Variants in GRM3 observed in about 807,000 individuals in gnomAD.
The protein encoded by GRM3 is glutamate metabotropic receptor 3.
GRM3 carries 26 observed loss-of-function variants against 70.5 expected under a neutral mutation model. The ratio of observed to expected loss-of-function variants is 0.37; its 90% CI spans 0.27 to 0.51. The LOEUF is 0.51. Ranked by LOEUF, GRM3 falls within the 20% of genes least tolerant of loss-of-function variation. The pLI is 0.93. For missense variants in GRM3, 859 were observed against 1,123.8 expected (o/e 0.76, Z 3.37); for synonymous variants, 443 against 434.9 (o/e 1.02, Z -0.23).
intron 1 of GRM3, among the ~76,000 whole-genome samples, chr7:86,764,061 C>G (rs951938363): frequency 4.6e-5 from 7 of 152,098 alleles, no homozygotes; most frequent in African/African-American, 1.7e-4. Flanking sequence ...AGATTTCTGG[C>G]CTGAGAGCCT....
rs999736107 is a variant in GRM3, at chr7:86,850,456, C to T, written c.2478C>T (p.Ile826=). The T allele has an allele frequency of 6.2e-7, 1 of 1,611,562 alleles. No homozygotes were observed. The highest frequency in any genetic ancestry group is 8.5e-7 in the Non-Finnish European group (1 of 1,177,842). ...TGTTTGCACCCAAGGTTCACATCATCCTGTTTCAACCCCAGAAGAATGTTG... is the reference window on the plus strand; with the variant it reads ...TGTTTGCACCCAAGGTTCACATCATTCTGTTTCAACCCCAGAAGAATGTTG... ...GCLFAPKVHI[I]LFQPQKNVVT... Residue 826 remains isoleucine, a synonymous_variant, in exon 5 of 6, where the codon ATC becomes ATT. Transcript: ENST00000361669.
At chr7:86,736,541 A>G (rs567955985) in intron 1 of GRM3, among the ~76,000 whole-genome samples, 60 of 152,242 alleles carry the variant, frequency 3.9e-4, no homozygotes, top group Non-Finnish European at 7.8e-4. Flanking sequence ...CCACTTGTGT[A>G]TTTTTAAGGG....
chr7:86,840,938 T>C (rs567263598), intron 4 of GRM3, among the ~76,000 whole-genome samples: 2 of 152,132 alleles, frequency 1.3e-5, no homozygotes, highest in Non-Finnish European at 2.9e-5. Context: ...TTCAGTTAGA[T>C]AGGAAGAATA....
chr7:86,828,781 AT>A (rs1197947469), intron 3 of GRM3, among the ~76,000 whole-genome samples: 1 of 152,186 alleles, frequency 6.6e-6, no homozygotes, highest in Non-Finnish European at 1.5e-5. Context: ...TGCCACAATA[AT>A]TGAATCTTCC....
chr7:86,701,646 G>A (rs541219003), intron 1 of GRM3, among the ~76,000 whole-genome samples: 1 of 151,962 alleles, frequency 6.6e-6, no homozygotes, highest in African/African-American at 2.4e-5. Context: ...ATATCCAGGT[G>A]TAACTACTCA....
At chr7:86,813,091 T>A (rs1797944275) in intron 3 of GRM3, among the ~76,000 whole-genome samples, 1 of 151,806 alleles carries the variant, frequency 6.6e-6, no homozygotes, top group Non-Finnish European at 1.5e-5. Flanking sequence ...TCCAATATTG[T>A]TTTTAATCTT....
At chr7:86,733,279 A>G (rs1402042750) in intron 1 of GRM3, among the ~76,000 whole-genome samples, 1 of 149,370 alleles carries the variant, frequency 6.7e-6, no homozygotes, top group East Asian at 2.0e-4. Context: ...ATGCCACTGC[A>G]CTCCAGCCTG....
At chr7:86,757,072 T>C (rs1796363479) in intron 1 of GRM3, among the ~76,000 whole-genome samples, 2 of 152,168 alleles carry the variant, frequency 1.3e-5, no homozygotes, top group Admixed American at 1.3e-4. Flanking sequence ...TCCCCAACTA[T>C]TCATTCATTT....
At chr7:86,765,693 A>G in intron 2 of GRM3, 80 bp downstream of exon 2, 3 of 1,123,496 alleles carry the variant, frequency 2.7e-6, no homozygotes, top group Non-Finnish European at 1.3e-6. Flanking sequence ...AAAATATCAT[A>G]ATAACGTCAT....
At chr7:86,716,470 A>G (rs1461339550) in intron 1 of GRM3, among the ~76,000 whole-genome samples, 3 of 151,884 alleles carry the variant, frequency 2.0e-5, no homozygotes, top group Non-Finnish European at 2.9e-5. Context: ...CTGGTAAATG[A>G]AAAACTTGGA....
At chr7:86,717,400 A>G (rs542076286) in intron 1 of GRM3, among the ~76,000 whole-genome samples, 1 of 152,110 alleles carries the variant, frequency 6.6e-6, no homozygotes, top group African/African-American at 2.4e-5. Context: ...CTACAATATG[A>G]TAGATACAGA....
At chr7:86,858,969 T>G (rs1315413031) in intron 5 of GRM3, among the ~76,000 whole-genome samples, 2 of 152,066 alleles carry the variant, frequency 1.3e-5, no homozygotes, top group Non-Finnish European at 2.9e-5. Context: ...GTATTTTTTC[T>G]TTTTTCTTGT....
chr7:86,842,728 CAA>C (rs1798581527), intron 4 of GRM3, among the ~76,000 whole-genome samples: 1 of 152,058 alleles, frequency 6.6e-6, no homozygotes. Context: ...CCAGTCTTCA[CAA>C]AGTTTATATC....
intron 1 of GRM3, among the ~76,000 whole-genome samples, chr7:86,648,265 T>C (rs956909166): frequency 6.6e-6 from 1 of 152,338 alleles, no homozygotes; most frequent in Middle Eastern, 3.4e-3. Flanking sequence ...TAATGACCTA[T>C]GTGAATATTA....
chr7:86,798,099 C>G (rs1029821558), intron 3 of GRM3, among the ~76,000 whole-genome samples: 8 of 152,162 alleles, frequency 5.3e-5, no homozygotes, highest in Admixed American at 4.6e-4. Context: ...AGGGGTGGAG[C>G]CTTCATGGAG....
chr7:86,740,324 TA>T (rs1477824083), intron 1 of GRM3, among the ~76,000 whole-genome samples: 1 of 152,124 alleles, frequency 6.6e-6, no homozygotes, highest in East Asian at 1.9e-4. Context: ...CTGGGGATAA[TA>T]TGTGTTCTCT....
At chr7:86,690,482 A>C (rs1794671635) in intron 1 of GRM3, among the ~76,000 whole-genome samples, 1 of 152,166 alleles carries the variant, frequency 6.6e-6, no homozygotes, top group Non-Finnish European at 1.5e-5. Context: ...ATCAGTGAGA[A>C]AGTGAGAGAT....
At chr7:86,794,344 C>T (rs992729420) in intron 3 of GRM3, among the ~76,000 whole-genome samples, 1 of 152,118 alleles carries the variant, frequency 6.6e-6, no homozygotes, top group Non-Finnish European at 1.5e-5. Flanking sequence ...TTGCTGTACT[C>T]ACCAGGATAG....
chr7:86,856,151 C>T (rs1798841246), intron 5 of GRM3, among the ~76,000 whole-genome samples: 1 of 152,010 alleles, frequency 6.6e-6, no homozygotes, highest in Middle Eastern at 3.2e-3. Context: ...TTAGAAAGTT[C>T]ACAGAAAAGA....
Sources: allele counts gnomAD v4.1 joint callset (sites outside exome capture counted in the v4.1 genomes callset), GRCh38; gene constraint gnomAD v4.1.1; transcripts MANE v1.5; gene names NCBI Gene and HGNC (gene_info 2026-07-23, HGNC 2026-07-21).